Variants in UBE3B observed in about 807,000 individuals in gnomAD.
UBE3B encodes ubiquitin protein ligase E3B.
In UBE3B, 80 loss-of-function variants were observed where a neutral mutation model predicts 132.3. The observed-to-expected ratio is 0.60, with a 90% CI of 0.50 to 0.73. UBE3B has a LOEUF of 0.73. Ranked by LOEUF, UBE3B falls within the 30% of genes least tolerant of loss-of-function variation. The pLI is 0.00. For synonymous variants in UBE3B, 487 were observed against 520.4 expected (o/e 0.94, Z 0.87); for missense variants, 1,196 against 1,362.5 (o/e 0.88, Z 1.92).
rs904691358 is a variant in UBE3B at position 109,528,532 on chromosome 12, G to A, written c.2628-1358G>A. The A allele has an allele frequency of 4.1e-6, 4 of 980,710 alleles. No individual in the cohort carries two copies. In the African/African-American group the frequency reaches 7.0e-5, roughly 17 times the overall value. 60.8% of individuals were successfully genotyped at this position (980,710 alleles called of 1,614,324 possible). On this transcript the variant is annotated intron_variant, in intron 24 of 27. Coordinates refer to ENST00000342494, the MANE Select transcript of UBE3B (RefSeq NM_130466.4). ...TTGGAATTGGTGAGAGTCATACGTG[G>A]GCCGGGCTCAAGTTCTTTGCTAAGA...
Position 109,505,686 on chromosome 12 carries a change from C to T in UBE3B, c.1451-1878C>T, listed in dbSNP as rs539078172. Among the ~76,000 whole-genome samples, 3 of 152,278 alleles carry T rather than the reference C, an allele frequency of 2.0e-5. No individual in the cohort carries two copies. In the South Asian group the frequency reaches 6.2e-4, roughly 32 times the overall value. ...CTTCTTTATAACCACATCCTCCTACCCTTGAAAATGTGAGGTCTAAGCTCT... is the reference window on the plus strand; with the variant it reads ...CTTCTTTATAACCACATCCTCCTACTCTTGAAAATGTGAGGTCTAAGCTCT... On this transcript the variant is annotated intron_variant, in intron 14 of 27. Coordinates refer to ENST00000342494, the MANE Select transcript of UBE3B (RefSeq NM_130466.4).
intron 7 of UBE3B, among the ~76,000 whole-genome samples, chr12:109,489,443 G>A (rs745858129): frequency 2.2e-4 from 34 of 152,134 alleles, no homozygotes; most frequent in African/African-American, 3.4e-4. Context: ...GGGATGAAAC[G>A]GAAAGCAGGG....
At position 109,521,103 on chromosome 12, in the gene UBE3B, TA is replaced by T; in HGVS notation, c.2077-43del. On this transcript the variant is annotated intron_variant, in intron 19 of 27. Transcript: ENST00000342494. This position sits in a 1 kb window ranked among gnomAD's most constrained non-coding sequence, Gnocchi z 4.2. ...GAGAGGGAACCCCGAATTGTGTGCA[TA>T]AGGCTTTGGGCTTCCTAATGGGCTG... 1.9e-6 allele frequency: 3 copies of T among 1,605,402 alleles called. No homozygotes were observed. Among genetic ancestry groups the T allele is most frequent in the Non-Finnish European group, 2.6e-6 (3 of 1,173,668 alleles).
At chr12:109,539,329 C>T (rs1883557994), downstream of UBE3B, among the ~76,000 whole-genome samples, 1 of 152,228 alleles carries the variant, frequency 6.6e-6, no homozygotes, top group South Asian at 2.1e-4. Context: ...GTCAGAATGG[C>T]ATCCTTTGCT....
At chr12:109,480,091 T>C (rs1282946459) in intron 1 of UBE3B, among the ~76,000 whole-genome samples, 3 of 151,748 alleles carry the variant, frequency 2.0e-5, no homozygotes, top group Non-Finnish European at 2.9e-5. Flanking sequence ...GCATTTAAGA[T>C]AGGAAAAAAG....
intron 8 of UBE3B, 23 bp from the exon 9 acceptor site, chr12:109,491,022 A>G: frequency 6.2e-7 from 1 of 1,610,208 alleles, no homozygotes; most frequent in South Asian, 1.1e-5. Flanking sequence ...TCATCCTCTG[A>G]CCAATTAAAA....
chr12:109,545,975 A>G, the UBE3B span, among the ~76,000 whole-genome samples: 7 of 152,144 alleles, frequency 4.6e-5, no homozygotes, highest in Admixed American at 3.3e-4. Flanking sequence ...GAGGGAGGCC[A>G]GAGGAATTTC....
At position 109,521,199 on chromosome 12, in the gene UBE3B, A is replaced by G. The variant is rs1414054007; in HGVS notation, c.2128A>G (p.Ile710Val). ...CTCCCAGCACGCCATGAAGGGGGTC[A>G]TCCGTGTGAAGTTTGTCAATGACCT... ...QLSQHAMKGV[I>V]RVKFVNDLGV... Residue 710 changes from isoleucine to valine, a missense_variant, in exon 20 of 28, where the codon ATC (isoleucine) becomes GTC (valine). Coordinates refer to ENST00000342494, the MANE Select transcript of UBE3B (RefSeq NM_130466.4). The surrounding 1 kb of genome is among the most constrained non-coding windows in gnomAD (Gnocchi z 4.2). The G allele has an allele frequency of 1.1e-5, 17 of 1,614,132 alleles. No homozygotes were observed. Among genetic ancestry groups the G allele is most frequent in the Middle Eastern group, 1.6e-4 (1 of 6,084 alleles).
chr12:109,515,108 T>A (rs566060187), intron 18 of UBE3B, among the ~76,000 whole-genome samples: 19 of 151,286 alleles, frequency 1.3e-4, no homozygotes, highest in African/African-American at 4.1e-4. Context: ...GGAGACGGGG[T>A]TTCACCGTGT....
the UBE3B span, among the ~76,000 whole-genome samples, chr12:109,543,758 G>A: frequency 2.0e-5 from 3 of 152,234 alleles, no homozygotes; most frequent in East Asian, 5.8e-4. Context: ...ACTTGAACCC[G>A]GGCGGCAGAA....
chr12:109,491,091 A>T lies in UBE3B; in HGVS notation c.677A>T (p.Lys226Ile). The T allele has an allele frequency of 6.2e-7, 1 of 1,614,106 alleles. No individual in the cohort carries two copies. The highest frequency in any genetic ancestry group is 2.2e-5 in the East Asian group (1 of 44,886). ...GCAAGACCCCGTCCTTGTCTATCCA[A>T]AGGCACTTTAACAGCAGCTTTTTCT... ...GLARPRPCLS[K>I]GTLTAAFSLA... is the part of the protein sequence containing the mutation. The change falls in exon 9 of 28, where the codon AAA becomes ATA. Residue 226 changes from lysine to isoleucine, a missense_variant. By Grantham distance (102) the Lys-to-Ile change is moderately radical. Transcript: ENST00000342494.
chr12:109,529,517 A>C (rs534898577), intron 24 of UBE3B, among the ~76,000 whole-genome samples: 2 of 152,374 alleles, frequency 1.3e-5, no homozygotes, highest in African/African-American at 4.8e-5. Context: ...ATTTATGTCC[A>C]GAAGAATGAG....
intron 18 of UBE3B, among the ~76,000 whole-genome samples, chr12:109,512,737 T>C (rs1027220683): frequency 6.6e-6 from 1 of 152,208 alleles, no homozygotes; most frequent in African/African-American, 2.4e-5. Context: ...TCTTTCCCCC[T>C]CAAGCAGTGA....
At chr12:109,497,313 C>G (rs1878335987) in intron 9 of UBE3B, among the ~76,000 whole-genome samples, 2 of 151,646 alleles carry the variant, frequency 1.3e-5, no homozygotes, top group Non-Finnish European at 2.9e-5. Context: ...ATATAGTATA[C>G]ATACTATAGA....
At chr12:109,533,420 G>T (rs1252509724) in intron 26 of UBE3B, 46 bp from the exon 27 acceptor site, 2 of 1,540,990 alleles carry the variant, frequency 1.3e-6, no homozygotes, top group African/African-American at 2.7e-5. Flanking sequence ...CGTCCTGGAA[G>T]AGCAGGAGCC....
chr12:109,507,433 C>T (rs1879827704), intron 14 of UBE3B, 131 bp from the exon 15 acceptor site: 3 of 992,844 alleles, frequency 3.0e-6, no homozygotes, highest in South Asian at 3.3e-5. Flanking sequence ...TCTCCATAAT[C>T]CCACCTTCTT....
At position 109,521,074 on chromosome 12, in the gene UBE3B, AGAG is replaced by A. The variant is rs1881651535; in HGVS notation, c.2077-70_2077-68del. 3.9e-6 allele frequency: 6 copies of A among 1,551,078 alleles called. No homozygotes were observed. The highest frequency in any genetic ancestry group is 2.2e-4 in the Middle Eastern group (1 of 4,544). On this transcript the variant is annotated intron_variant, in intron 19 of 27. Coordinates refer to ENST00000342494, the MANE Select transcript of UBE3B (RefSeq NM_130466.4). This position sits in a 1 kb window ranked among gnomAD's most constrained non-coding sequence, Gnocchi z 4.2. ...TAATGATGCTGGGAGAGCTTCGCAC[AGAG>A]GAGAGGGAACCCCGAATTGTGTGCA...
intron 15 of UBE3B, chr12:109,508,521 T>G: frequency 1.0e-6 from 1 of 985,488 alleles, no homozygotes; most frequent in Non-Finnish European, 1.2e-6. Context: ...ATTCCACCTT[T>G]TCCCAAAAGG....
intron 9 of UBE3B, chr12:109,492,013 A>G (rs76062639): frequency 6.6e-6 from 1 of 152,188 alleles, no homozygotes; most frequent in East Asian, 1.9e-4. Flanking sequence ...GGGTTGGCCA[A>G]ATTTTCTGGA....
Sources: gnomAD v4.1 joint callset for allele counts (sites outside exome capture counted in the v4.1 genomes callset) on GRCh38, gnomAD v4.1.1 for gene constraint, Gnocchi (gnomAD v3.1) non-coding constraint, MANE v1.5 for transcripts, NCBI Gene and HGNC (gene_info 2026-07-23, HGNC 2026-07-21) for gene names.